The following NLRP14 variants were observed in gnomAD, a reference collection of about 807,000 sequenced individuals.
NLRP14 encodes NACHT, LRR and PYD domains-containing protein 14.
NLRP14 carries 105 observed loss-of-function variants against 94.7 expected under a neutral mutation model. The observed-to-expected ratio is 1.11, with a 90% CI of 0.95 to 1.30. NLRP14 has a LOEUF of 1.30. Among genes scored for constraint, NLRP14 ranks in the 50% most tolerant of loss-of-function variants. The pLI is 0.00. For synonymous variants in NLRP14, 508 were observed against 459.9 expected (o/e 1.10, Z -1.34); for missense variants, 1,362 against 1,254.1 (o/e 1.09, Z -1.30).
chr11:7,036,819 T>C (rs1852169278), intron 1 of NLRP14, among the ~76,000 whole-genome samples: 1 of 151,866 alleles, frequency 6.6e-6, no homozygotes, highest in African/African-American at 2.4e-5. Context: ...GGATTTGGAG[T>C]AAAGGGAATA....
At chr11:7,030,818 A>G (rs1233120484) in intron 1 of NLRP14, among the ~76,000 whole-genome samples, 4 of 152,030 alleles carry the variant, frequency 2.6e-5, no homozygotes, top group East Asian at 3.9e-4. Context: ...CTGGGGTTCA[A>G]TTCCCCGACT....
chr11:7,052,280 T>C (rs1226357224), intron 6 of NLRP14, among the ~76,000 whole-genome samples: 1 of 152,160 alleles, frequency 6.6e-6, no homozygotes, highest in Non-Finnish European at 1.5e-5. Flanking sequence ...CAGAGCACTC[T>C]CTATATCTTC....
downstream of NLRP14, among the ~76,000 whole-genome samples, chr11:7,074,358 TG>T (rs1220424185): frequency 6.6e-6 from 1 of 152,184 alleles, no homozygotes; most frequent in Non-Finnish European, 1.5e-5. Context: ...AGGACAGTCT[TG>T]CTAGTTAGAG....
At chr11:7,079,864 A>C in the NLRP14 span, among the ~76,000 whole-genome samples, 5 of 152,332 alleles carry the variant, frequency 3.3e-5, no homozygotes, top group East Asian at 9.6e-4. Context: ...GCTGAACCCG[A>C]TTGGCTAACT....
chr11:7,074,068 T>C (rs1852839768), downstream of NLRP14, among the ~76,000 whole-genome samples: 1 of 152,178 alleles, frequency 6.6e-6, no homozygotes. Flanking sequence ...ACCAGCCATC[T>C]CATTAGCATA....
At chr11:7,074,707 T>G (rs1852852389), downstream of NLRP14, among the ~76,000 whole-genome samples, 2 of 152,218 alleles carry the variant, frequency 1.3e-5, no homozygotes, top group African/African-American at 4.8e-5. Context: ...TCTCAAATCA[T>G]CAGGATTTAT....
chr11:7,074,221 T>C (rs75660332), downstream of NLRP14, among the ~76,000 whole-genome samples: 400 of 152,268 alleles, frequency 2.6e-3, 14 homozygotes, highest in East Asian at 0.064. Context: ...AGGGGGCAAA[T>C]GGTTTTCGTG....
intron 6 of NLRP14, among the ~76,000 whole-genome samples, chr11:7,053,000 C>T (rs910960607): frequency 1.4e-4 from 21 of 152,246 alleles, no homozygotes; most frequent in African/African-American, 5.1e-4. Flanking sequence ...TATGTATACA[C>T]AGCTTCATAA....
At position 7,071,446 on chromosome 11, in the gene NLRP14, T is replaced by A; in HGVS notation, c.*138T>A. 1.4e-6 allele frequency: 1 copy of A among 691,554 alleles called. No homozygotes were observed. Among genetic ancestry groups the A allele is most frequent in the Non-Finnish European group, 2.5e-6 (1 of 395,302 alleles). The allele number at this position is 691,554 out of a possible 1,614,324, so 42.8% of individuals were successfully genotyped here. ...CTTGGCAGCTGTCAGATACCATTCA[T>A]CTACTTCTCTGTAAAATGTCTGTTC... On this transcript the variant is annotated 3_prime_UTR_variant, in exon 12 of 12. Transcript: ENST00000299481.
chr11:7,063,200 A>G (rs148680957), intron 10 of NLRP14, among the ~76,000 whole-genome samples: 2 of 152,242 alleles, frequency 1.3e-5, no homozygotes, highest in African/African-American at 4.8e-5. Flanking sequence ...ATTTAATTTT[A>G]TCCTACTTAC....
the NLRP14 span, among the ~76,000 whole-genome samples, chr11:7,077,898 G>C: frequency 6.6e-6 from 1 of 151,488 alleles, no homozygotes; most frequent in Admixed American, 6.6e-5. Context: ...GGGGTTCCCA[G>C]TAGTCAAATT....
intron 5 of NLRP14, 90 bp downstream of exon 5, chr11:7,046,922 C>A: frequency 2.1e-6 from 2 of 940,706 alleles, no homozygotes; most frequent in Non-Finnish European, 3.5e-6. Flanking sequence ...GAAGCCAATG[C>A]TAAACAAATA....
At chr11:7,086,240 T>C in the NLRP14 span, among the ~76,000 whole-genome samples, 65 of 152,334 alleles carry the variant, frequency 4.3e-4, no homozygotes, top group African/African-American at 1.3e-3. Flanking sequence ...ACTATCCTAA[T>C]TGATATAAGA....
At position 7,020,749 on chromosome 11, in the gene NLRP14, C is replaced by A. The variant is rs1273974078; in HGVS notation, c.-43C>A. ...GGCACCTCACTAGCCCTGGCACTAGCTAGCATCGCTCTAAACTCAAGGTTA... is the reference window on the plus strand; with the variant it reads ...GGCACCTCACTAGCCCTGGCACTAGATAGCATCGCTCTAAACTCAAGGTTA... On this transcript the variant is annotated 5_prime_UTR_variant, in exon 1 of 12. Transcript: ENST00000299481. The A allele has an allele frequency of 1.3e-5, 2 of 152,308 alleles. No individual in the cohort carries two copies. Among genetic ancestry groups the A allele is most frequent in the Admixed American group, 6.5e-5 (1 of 15,292 alleles). The allele number at this position is 152,308 out of a possible 1,614,324, so 9.4% of individuals were successfully genotyped here.
the NLRP14 span, among the ~76,000 whole-genome samples, chr11:7,078,561 G>A: frequency 3.3e-5 from 5 of 151,634 alleles, no homozygotes; most frequent in East Asian, 1.9e-4. Context: ...AGGCCGAGGC[G>A]AGTGGATCAC....
At chr11:7,031,284 T>C (rs1399528124) in intron 1 of NLRP14, among the ~76,000 whole-genome samples, 2 of 152,178 alleles carry the variant, frequency 1.3e-5, no homozygotes, top group Non-Finnish European at 2.9e-5. Flanking sequence ...AAATGGGAAG[T>C]TGGGTTCTGT....
intron 1 of NLRP14, among the ~76,000 whole-genome samples, chr11:7,035,804 C>G (rs867002799): frequency 3.3e-5 from 5 of 152,266 alleles, no homozygotes; most frequent in Middle Eastern, 3.4e-3. Context: ...CTCTTCTAGT[C>G]TGGTGTTCAG....
chr11:7,044,810 T>C (rs1852325931), intron 4 of NLRP14, among the ~76,000 whole-genome samples: 1 of 152,116 alleles, frequency 6.6e-6, no homozygotes, highest in Admixed American at 6.6e-5. Context: ...TTGGCAACCA[T>C]CTCTATTTTT....
the NLRP14 span, chr11:7,089,752 A>G: frequency 7.8e-6 from 12 of 1,535,268 alleles, no homozygotes; most frequent in Non-Finnish European, 1.0e-5. Flanking sequence ...GGCCCGCGGG[A>G]TGAGGGCTAC....
Sources: gnomAD v4.1 joint callset for allele counts (sites outside exome capture counted in the v4.1 genomes callset) on GRCh38, gnomAD v4.1.1 for gene constraint, MANE v1.5 for transcripts, NCBI Gene and HGNC (gene_info 2026-07-23, HGNC 2026-07-21) for gene names.